The following SLC43A2 variants were observed in gnomAD, a reference collection of about 807,000 sequenced individuals.
The protein encoded by SLC43A2 is large neutral amino acids transporter small subunit 4.
Under a neutral mutation model 63.2 loss-of-function variants are expected in SLC43A2, and 38 were observed. The observed-to-expected ratio is 0.60, with a 90% CI of 0.46 to 0.79. The LOEUF is 0.79. Among genes scored for constraint, SLC43A2 ranks in the 30% least tolerant of loss-of-function variants. SLC43A2 has a pLI of 0.00. For missense variants in SLC43A2, 644 were observed against 756.2 expected, an observed-to-expected ratio of 0.85 and a Z score of 1.74; for synonymous variants, 322 against 331.0, an observed-to-expected ratio of 0.97 and a Z score of 0.30.
chr17:1,617,670 C>T (rs1336537075), intron 2 of SLC43A2, among the ~76,000 whole-genome samples: 1 of 152,212 alleles, frequency 6.6e-6, no homozygotes, highest in Non-Finnish European at 1.5e-5. Flanking sequence ...GGATCACAGG[C>T]GTGAGCCGCC....
At chr17:1,576,489 G>T in intron 13 of SLC43A2, 108 bp downstream of exon 13, 1 of 1,265,424 alleles carries the variant, frequency 7.9e-7, no homozygotes, top group Non-Finnish European at 1.1e-6. Context: ...CCTAACCAAC[G>T]CTCCCACATG....
intron 9 of SLC43A2, among the ~76,000 whole-genome samples, chr17:1,588,849 C>T (rs941676959): frequency 3.9e-5 from 6 of 152,224 alleles, no homozygotes; most frequent in African/African-American, 1.4e-4. Context: ...GGCCTGGAGT[C>T]TCCATTCGGA....
intron 9 of SLC43A2, among the ~76,000 whole-genome samples, chr17:1,587,834 G>C (rs1487539790): frequency 1.3e-5 from 2 of 152,238 alleles, no homozygotes; most frequent in African/African-American, 4.8e-5. Context: ...GGTAGGACAG[G>C]TGGCCCCTGA....
chr17:1,607,984 G>C (rs1229827964), intron 5 of SLC43A2, among the ~76,000 whole-genome samples: 1 of 152,148 alleles, frequency 6.6e-6, no homozygotes, highest in Non-Finnish European at 1.5e-5. Context: ...CCAAAGTGCT[G>C]GGGTTACAGG....
At chr17:1,596,593 T>A (rs1171636915) in intron 5 of SLC43A2, among the ~76,000 whole-genome samples, 1 of 152,094 alleles carries the variant, frequency 6.6e-6, no homozygotes, top group African/African-American at 2.4e-5. Context: ...ACCAATTTTT[T>A]TTTTTAGATG....
In SLC43A2 at chr17:1,600,220, G is replaced by A. The variant is rs1293383066; in HGVS notation, c.502-6941C>T. Among the ~76,000 whole-genome samples the A allele has an allele frequency of 8.0e-5, 10 of 125,188 alleles. No individual in the cohort carries two copies. The East Asian group carries it at 1.0e-3, about 13-fold the overall frequency. The allele number at this position is 125,188 out of a possible 152,430, so 82.1% of individuals were successfully genotyped here. The stretch of plus-strand genomic sequence containing the variant: ...GGCTGGAGTGCAGTAGTGCTATCTC[G>A]GCTCACTGCAACCTCCACCTCCCGG... On this transcript the variant is annotated intron_variant, in intron 5 of 13. Transcript: ENST00000301335.
intron 3 of SLC43A2, 142 bp downstream of exon 3, chr17:1,616,420 G>T: frequency 2.6e-6 from 2 of 773,814 alleles, no homozygotes; most frequent in South Asian, 1.8e-5. Flanking sequence ...TGGCGGACGG[G>T]GTAGGAACTC....
chr17:1,627,671 CCCCAGCTCCAGGAG>C, intron 2 of SLC43A2, 30 bp downstream of exon 2: 2 of 1,129,804 alleles, frequency 1.8e-6, no homozygotes, highest in East Asian at 3.2e-5. Flanking sequence ...CCTCCCAAAG[CCCCAGCTCCAGGAG>C]CCCCCCGCAA....
intron 11 of SLC43A2, among the ~76,000 whole-genome samples, chr17:1,579,515 A>G (rs1482579439): frequency 6.6e-6 from 1 of 151,796 alleles, no homozygotes; most frequent in Non-Finnish European, 1.5e-5. Context: ...ATATTAAAGT[A>G]AAGGTAATGA....
At chr17:1,576,132 G>A (rs1567605219) in intron 13 of SLC43A2, among the ~76,000 whole-genome samples, 1 of 146,132 alleles carries the variant, frequency 6.8e-6, no homozygotes, top group Non-Finnish European at 1.5e-5. Flanking sequence ...CATTCAGGCT[G>A]GAGTGCAGTG....
chr17:1,612,474 G>A (rs1052406750), intron 5 of SLC43A2, among the ~76,000 whole-genome samples: 2 of 152,222 alleles, frequency 1.3e-5, no homozygotes, highest in Non-Finnish European at 2.9e-5. Flanking sequence ...ATCTGGCTCC[G>A]GACAAAGGCA....
Position 1,583,485 on chromosome 17 carries a change from G to A in SLC43A2, c.1218-149C>T. On this transcript the variant is annotated intron_variant, in intron 10 of 13. Transcript: ENST00000301335. This position sits in a 1 kb window ranked among gnomAD's most constrained non-coding sequence, Gnocchi z 5.5. Reference sequence around the variant, plus strand: ...ACGTTTTAGGGACTGTGTCGGGGCTGGACCAGCACTACGGACACTCCCCGG... The same window carrying A: ...ACGTTTTAGGGACTGTGTCGGGGCTAGACCAGCACTACGGACACTCCCCGG... 1 of 1,374,504 alleles carries A rather than the reference G, an allele frequency of 7.3e-7. No homozygotes were observed. Among genetic ancestry groups the A allele is most frequent in the African/African-American group, 1.4e-5 (1 of 69,394 alleles). The allele number at this position is 1,374,504 out of a possible 1,614,324, so 85.1% of individuals were successfully genotyped here.
At chr17:1,601,693 T>C (rs1163768417) in intron 5 of SLC43A2, among the ~76,000 whole-genome samples, 1 of 151,354 alleles carries the variant, frequency 6.6e-6, no homozygotes, top group Non-Finnish European at 1.5e-5. Flanking sequence ...GCCAGAGTCC[T>C]GCATTGAGAC....
At chr17:1,585,488 C>T in intron 10 of SLC43A2, 1 of 388,984 alleles carries the variant, frequency 2.6e-6, no homozygotes, top group Non-Finnish European at 4.7e-6. Context: ...TCAAGCAATT[C>T]ACTCACCTCA....
rs1220469378 is a variant in SLC43A2, at chr17:1,606,605, G to A, written c.501+6590C>T. ...CCCAGGCTCCGGGTTGGAGGGTGGC[G>A]ACCCCAAGATGCGGCCTCAGCCGCC... On this transcript the variant is annotated intron_variant, in intron 5 of 13. Coordinates refer to ENST00000301335, the MANE Select transcript of SLC43A2 (RefSeq NM_152346.3). This position sits in a 1 kb window ranked among gnomAD's most constrained non-coding sequence, Gnocchi z 4.7. Among the ~76,000 whole-genome samples the A allele has an allele frequency of 2.6e-5, 4 of 152,162 alleles. No homozygotes were observed. The highest frequency in any genetic ancestry group is 2.1e-4 in the South Asian group (1 of 4,822).
At position 1,593,212 on chromosome 17, in the gene SLC43A2, G is replaced by A; in HGVS notation, c.569C>T (p.Ser190Leu). 1 of 1,614,064 alleles carries A rather than the reference G, an allele frequency of 6.2e-7. No homozygotes were observed. Among genetic ancestry groups the A allele is most frequent in the Non-Finnish European group, 8.5e-7 (1 of 1,180,008 alleles). ...IALMIGSYASSAVTFPGIKLI... is the reference protein window; with the variant it reads ...IALMIGSYASLAVTFPGIKLI... ...CTTGATTCCTGGAAAGGTGACTGCC[G>A]AGGAGGCGTAGGACCCAATCATCAA... The change falls in exon 6 of 14, where the codon TCG becomes TTG. Residue 190 changes from serine (S) to leucine (L), a missense_variant. Ser to Leu is a moderately radical substitution (Grantham distance 145). Transcript: ENST00000301335. This position sits in a 1 kb window ranked among gnomAD's most constrained non-coding sequence, Gnocchi z 5.3.
At chr17:1,588,895 G>A (rs1274450778) in intron 9 of SLC43A2, among the ~76,000 whole-genome samples, 5 of 152,170 alleles carry the variant, frequency 3.3e-5, no homozygotes, top group East Asian at 3.9e-4. Flanking sequence ...GGGTGGTCGC[G>A]GGGCCGTACG....
rs1904999300 is a variant in SLC43A2 at position 1,593,364 on chromosome 17, G to A, written c.502-85C>T. On this transcript the variant is annotated intron_variant, in intron 5 of 13. Coordinates refer to ENST00000301335, the MANE Select transcript of SLC43A2 (RefSeq NM_152346.3). This position sits in a 1 kb window ranked among gnomAD's most constrained non-coding sequence, Gnocchi z 5.3. ...GAGGGGACAGAGAACTAGGCCCCAT[G>A]AGGCCCCTTCTTCACCTGCGCCCCT... 7 of 1,246,974 alleles carry A rather than the reference G, an allele frequency of 5.6e-6. No individual in the cohort carries two copies. The highest frequency in any genetic ancestry group is 8.1e-6 in the Non-Finnish European group (7 of 866,046). 77.2% of individuals were successfully genotyped at this position (1,246,974 alleles called of 1,614,324 possible).
At chr17:1,589,067 AAGG>A (rs1479104958) in intron 9 of SLC43A2, among the ~76,000 whole-genome samples, 1 of 152,208 alleles carries the variant, frequency 6.6e-6, no homozygotes, top group Non-Finnish European at 1.5e-5. Flanking sequence ...CGGGTCACAG[AAGG>A]AGGAGGGGGA....
Sources: allele counts gnomAD v4.1 joint callset (sites outside exome capture counted in the v4.1 genomes callset), GRCh38; gene constraint gnomAD v4.1.1; non-coding constraint Gnocchi (gnomAD v3.1); transcripts MANE v1.5; gene names NCBI Gene and HGNC (gene_info 2026-07-23, HGNC 2026-07-21).